Variants in SH3RF1 observed in about 807,000 individuals in gnomAD.
SH3RF1 encodes E3 ubiquitin-protein ligase SH3RF1.
SH3RF1 carries 32 observed loss-of-function variants against 74.0 expected under a neutral mutation model. That is an observed-to-expected ratio of 0.43 (90% CI 0.33 to 0.58). The LOEUF (loss-of-function observed/expected upper bound fraction) is 0.58. Ranked by LOEUF, SH3RF1 falls within the 20% of genes least tolerant of loss-of-function variation. The pLI is 0.05. For synonymous variants in SH3RF1, 396 were observed against 439.6 expected, an observed-to-expected ratio of 0.90 and a Z score of 1.24; for missense variants, 954 against 1,130.9, an observed-to-expected ratio of 0.84 and a Z score of 2.24.
chr4:169,194,415 C>T (rs1734776955), intron 2 of SH3RF1, among the ~76,000 whole-genome samples: 1 of 152,120 alleles, frequency 6.6e-6, no homozygotes, highest in African/African-American at 2.4e-5. Context: ...AGTATGCATC[C>T]TTAGACACTC....
chr4:169,150,555 T>C (rs534827305), intron 4 of SH3RF1, among the ~76,000 whole-genome samples: 44 of 152,278 alleles, frequency 2.9e-4, no homozygotes, highest in Non-Finnish European at 5.3e-4. Context: ...TTATTAACTA[T>C]AGTCACCCTA....
At chr4:169,113,326 G>C (rs897082299) in intron 10 of SH3RF1, among the ~76,000 whole-genome samples, 1 of 152,140 alleles carries the variant, frequency 6.6e-6, no homozygotes, top group Non-Finnish European at 1.5e-5. Flanking sequence ...GGCCAGGCTG[G>C]TCTCAACTCC....
chr4:169,230,406 A>G (rs1730717264), intron 2 of SH3RF1, among the ~76,000 whole-genome samples: 1 of 152,184 alleles, frequency 6.6e-6, no homozygotes, highest in African/African-American at 2.4e-5. Flanking sequence ...TTTCCTTCAT[A>G]CAGAGTAATA....
At position 169,264,962 on chromosome 4, in the gene SH3RF1, T is replaced by A. The variant is rs150303190; in HGVS notation, c.393+3858A>T. 8.8e-4 allele frequency among the ~76,000 whole-genome samples: 134 copies of A among 152,260 alleles called. 1 individual carries two copies. Among genetic ancestry groups the A allele is most frequent in the Middle Eastern group, 3.4e-3 (1 of 294 alleles). ...AGCCCCCATTCCCTAATTAATATCA[T>A]TTCACCCTTAAGATCTCAGCTCAGA... On this transcript the variant is annotated intron_variant, in intron 2 of 11. Transcript: ENST00000284637.
chr4:169,255,665 A>G lies in SH3RF1; in HGVS notation c.393+13155T>C, dbSNP rs141128542. On this transcript the variant is annotated intron_variant, in intron 2 of 11. Coordinates refer to ENST00000284637, the MANE Select transcript of SH3RF1 (RefSeq NM_020870.4). ...CACACACACACACACACACACACAGAGTCCAGATAGATCAACTGACCCACC... is the reference window on the plus strand; with the variant it reads ...CACACACACACACACACACACACAGGGTCCAGATAGATCAACTGACCCACC... Among the ~76,000 whole-genome samples the G allele has an allele frequency of 3.7e-3, 565 of 151,192 alleles. 1 individual carries two copies. The highest frequency in any genetic ancestry group is 4.9e-3 in the Non-Finnish European group (332 of 67,660).
chr4:169,244,549 C>T (rs1338811629), intron 2 of SH3RF1, among the ~76,000 whole-genome samples: 12 of 152,204 alleles, frequency 7.9e-5, no homozygotes, highest in African/African-American at 2.2e-4. Flanking sequence ...TCTCCTACAA[C>T]GTAAGTTAAT....
At chr4:169,143,018 A>C (rs560883055) in intron 4 of SH3RF1, among the ~76,000 whole-genome samples, 3 of 152,338 alleles carry the variant, frequency 2.0e-5, no homozygotes, top group East Asian at 1.9e-4. Flanking sequence ...GGGATTACTC[A>C]AGAGTCTTTT....
intron 2 of SH3RF1, among the ~76,000 whole-genome samples, chr4:169,212,057 C>CTTTTTTTTTTTTT (rs34108534): frequency 4.1e-5 from 2 of 48,264 alleles, no homozygotes; most frequent in Non-Finnish European, 3.7e-5. Flanking sequence ...CTTTTCTTTT[C>CTTTTTTTTTTTTT]TTTTTTTTTT....
At chr4:169,116,723 A>G in intron 9 of SH3RF1, 93 bp from the exon 10 acceptor site, 1 of 1,436,760 alleles carries the variant, frequency 7.0e-7, no homozygotes, top group Non-Finnish European at 9.2e-7. Context: ...TCAGACCATG[A>G]TGAAAGGCTG....
intron 2 of SH3RF1, among the ~76,000 whole-genome samples, chr4:169,157,398 T>C (rs1188190519): frequency 2.0e-5 from 3 of 152,234 alleles, no homozygotes; most frequent in African/African-American, 7.2e-5. Flanking sequence ...AGCACATTGT[T>C]AGGCTGATAA....
intron 4 of SH3RF1, among the ~76,000 whole-genome samples, chr4:169,138,650 T>C (rs961266398): frequency 5.3e-5 from 8 of 152,196 alleles, no homozygotes. Context: ...GTTGATATCA[T>C]GTTTAGATTA....
At chr4:169,187,101 ACT>A (rs1315846779) in intron 2 of SH3RF1, among the ~76,000 whole-genome samples, 3 of 152,094 alleles carry the variant, frequency 2.0e-5, no homozygotes, top group Admixed American at 6.5e-5. Context: ...CTTTTTGCTA[ACT>A]CTTAAATTAT....
intron 2 of SH3RF1, among the ~76,000 whole-genome samples, chr4:169,209,893 G>A (rs1356906246): frequency 6.6e-6 from 1 of 152,116 alleles, no homozygotes; most frequent in Non-Finnish European, 1.5e-5. Context: ...AGGCTCAAGC[G>A]ATCCTCTCTC....
chr4:169,231,955 T>A (rs1347695251), intron 2 of SH3RF1, among the ~76,000 whole-genome samples: 1 of 152,218 alleles, frequency 6.6e-6, no homozygotes, highest in Non-Finnish European at 1.5e-5. Context: ...TTTCCTCTAA[T>A]GGAGACATAT....
intron 6 of SH3RF1, among the ~76,000 whole-genome samples, chr4:169,128,745 C>T (rs1733565654): frequency 6.6e-6 from 1 of 152,136 alleles, no homozygotes; most frequent in Non-Finnish European, 1.5e-5. Flanking sequence ...AAATCTGGTC[C>T]TAAGCACTCT....
intron 11 of SH3RF1, among the ~76,000 whole-genome samples, chr4:169,105,727 T>C (rs1413371102): frequency 6.6e-6 from 1 of 152,128 alleles, no homozygotes; most frequent in Non-Finnish European, 1.5e-5. Flanking sequence ...ACCCCGTCTT[T>C]ACAAAAAAAT....
intron 2 of SH3RF1, chr4:169,220,294 CA>C (rs1229287088): frequency 6.6e-6 from 1 of 152,208 alleles, no homozygotes; most frequent in East Asian, 1.9e-4. Context: ...GTGGTGTCCA[CA>C]GCTAGCTGAC....
intron 2 of SH3RF1, among the ~76,000 whole-genome samples, chr4:169,203,761 T>C (rs1470030936): frequency 6.6e-6 from 1 of 152,152 alleles, no homozygotes; most frequent in Non-Finnish European, 1.5e-5. Flanking sequence ...ATAATCTCCG[T>C]AGTTTTCTTA....
intron 2 of SH3RF1, among the ~76,000 whole-genome samples, chr4:169,180,437 C>G (rs574682092): frequency 6.6e-6 from 1 of 152,154 alleles, no homozygotes; most frequent in Non-Finnish European, 1.5e-5. Flanking sequence ...CTGCCACAAC[C>G]GGAGGAATTT....
Sources: allele counts gnomAD v4.1 joint callset (sites outside exome capture counted in the v4.1 genomes callset), GRCh38; gene constraint gnomAD v4.1.1; transcripts MANE v1.5; gene names NCBI Gene and HGNC (gene_info 2026-07-23, HGNC 2026-07-21).